Variants in CAMTA1 observed in about 807,000 individuals in gnomAD.
CAMTA1 encodes calmodulin-binding transcription activator 1.
A neutral mutation model predicts 170.9 loss-of-function variants in CAMTA1; 27 were observed. That is an observed-to-expected ratio of 0.16 (90% CI 0.12 to 0.22). CAMTA1 has a LOEUF of 0.22. CAMTA1 is among the 10% of genes least tolerant of loss of function. CAMTA1 has a pLI of 1.00. For synonymous variants in CAMTA1, 833 were observed against 891.5 expected, an observed-to-expected ratio of 0.93 and a Z score of 1.17; for missense variants, 1,619 against 2,217.2, an observed-to-expected ratio of 0.73 and a Z score of 5.42.
At chr1:7,747,920 A>C in intron 19 of CAMTA1, 139 bp downstream of exon 19, 1 of 339,034 alleles carries the variant, frequency 2.9e-6, no homozygotes, top group South Asian at 4.4e-5. Context: ...TTTTTTTTTT[A>C]TTTTTTTTTT....
chr1:6,987,306 G>T (rs1174635030), intron 3 of CAMTA1, among the ~76,000 whole-genome samples: 1 of 152,124 alleles, frequency 6.6e-6, no homozygotes, highest in Non-Finnish European at 1.5e-5. Flanking sequence ...GGGACTACAG[G>T]CATGTGCCAC....
intron 3 of CAMTA1, among the ~76,000 whole-genome samples, chr1:6,833,133 G>C (rs1206713175): frequency 6.6e-6 from 1 of 152,180 alleles, no homozygotes; most frequent in Non-Finnish European, 1.5e-5. Context: ...CTGAGGAATA[G>C]TAAGAGAAGT....
chr1:6,837,245 C>T (rs552705666), intron 3 of CAMTA1, among the ~76,000 whole-genome samples: 3 of 152,024 alleles, frequency 2.0e-5, no homozygotes, highest in Non-Finnish European at 4.4e-5. Context: ...CGTGAGCCAC[C>T]GTGCCTGGCA....
chr1:7,236,671 A>G (rs867337013), intron 4 of CAMTA1, among the ~76,000 whole-genome samples: 2 of 152,220 alleles, frequency 1.3e-5, no homozygotes, highest in Admixed American at 6.5e-5. Context: ...AAAATGGAAC[A>G]TGGGTGTAAA....
intron 3 of CAMTA1, among the ~76,000 whole-genome samples, chr1:6,871,332 TG>T (rs1283894763): frequency 1.3e-5 from 2 of 152,224 alleles, no homozygotes; most frequent in Admixed American, 6.5e-5. Flanking sequence ...TTATACTAAA[TG>T]TTCCAATAAT....
intron 6 of CAMTA1, among the ~76,000 whole-genome samples, chr1:7,605,078 G>A (rs953080608): frequency 6.6e-6 from 1 of 152,146 alleles, no homozygotes; most frequent in Non-Finnish European, 1.5e-5. Flanking sequence ...GCTGTGTGAG[G>A]TGTCAGTCTA....
At chr1:7,513,100 T>C (rs1023483551) in intron 6 of CAMTA1, among the ~76,000 whole-genome samples, 1 of 146,748 alleles carries the variant, frequency 6.8e-6, no homozygotes, top group South Asian at 2.2e-4. Flanking sequence ...AGGGACACCA[T>C]AGGGGAAAAG....
intron 6 of CAMTA1, among the ~76,000 whole-genome samples, chr1:7,581,718 C>A (rs2095262417): frequency 6.6e-6 from 1 of 152,212 alleles, no homozygotes. Context: ...GGAGCTTTTG[C>A]GGTTCTGGCA....
rs1180082930 is a variant in CAMTA1, at chr1:7,063,758, G to C, written c.235-27546G>C. ...AACAACCACACTTTTTCAGGCACTGGTTGTGCGATTAGCATCCTGCCAGGG... is the reference window on the plus strand; with the variant it reads ...AACAACCACACTTTTTCAGGCACTGCTTGTGCGATTAGCATCCTGCCAGGG... On this transcript the variant is annotated intron_variant, in intron 3 of 22. Transcript: ENST00000303635. The surrounding 1 kb of genome is among the most constrained non-coding windows in gnomAD (Gnocchi z 4.3). Among the ~76,000 whole-genome samples, 1 of 152,190 alleles carries C rather than the reference G, an allele frequency of 6.6e-6. No individual in the cohort carries two copies. The highest frequency in any genetic ancestry group is 2.4e-5 in the African/African-American group (1 of 41,446).
At chr1:7,066,313 C>T (rs980659851) in intron 3 of CAMTA1, among the ~76,000 whole-genome samples, 2 of 152,220 alleles carry the variant, frequency 1.3e-5, no homozygotes, top group African/African-American at 4.8e-5. Flanking sequence ...AGTGTCTCAT[C>T]TCAGGTGGGC....
intron 6 of CAMTA1, among the ~76,000 whole-genome samples, chr1:7,639,188 C>T (rs549881568): frequency 6.6e-6 from 1 of 151,902 alleles, no homozygotes; most frequent in African/African-American, 2.4e-5. Flanking sequence ...ACCGTGTTAG[C>T]CAGGATGGTC....
intron 1 of CAMTA1, among the ~76,000 whole-genome samples, chr1:6,805,312 A>G (rs1352561667): frequency 6.6e-6 from 1 of 152,188 alleles, no homozygotes; most frequent in African/African-American, 2.4e-5. Context: ...CTTATTAGCC[A>G]TTTGTATGTC....
chr1:6,983,025 G>A (rs954676087), intron 3 of CAMTA1, among the ~76,000 whole-genome samples: 12 of 152,136 alleles, frequency 7.9e-5, no homozygotes, highest in African/African-American at 2.9e-4. Context: ...GCTGACCCAT[G>A]TAAACTTACC....
At chr1:7,241,088 T>C (rs1012521275) in intron 4 of CAMTA1, among the ~76,000 whole-genome samples, 2 of 152,214 alleles carry the variant, frequency 1.3e-5, no homozygotes, top group Non-Finnish European at 2.9e-5. Flanking sequence ...TAAATAGGTT[T>C]AGCAAGGGTC....
At chr1:7,135,275 CTACT>C (rs1344242098) in intron 4 of CAMTA1, among the ~76,000 whole-genome samples, 1 of 152,098 alleles carries the variant, frequency 6.6e-6, no homozygotes, top group East Asian at 1.9e-4. Flanking sequence ...GTAATCCCAG[CTACT>C]TAGGAGGCTG....
chr1:7,227,335 C>T (rs908374550), intron 4 of CAMTA1, among the ~76,000 whole-genome samples: 3 of 152,008 alleles, frequency 2.0e-5, no homozygotes, highest in African/African-American at 7.2e-5. Flanking sequence ...TATTGTTTTT[C>T]GTTTTTGTGA....
chr1:7,680,161 C>T lies in CAMTA1; in HGVS notation c.2914+2428C>T. 4.6e-6 allele frequency: 1 copy of T among 218,326 alleles called. No homozygotes were observed. The allele number at this position is 218,326 out of a possible 1,614,324, so 13.5% of individuals were successfully genotyped here. A position where few individuals can be genotyped will look rare whatever the true frequency, so the allele number is the denominator to read the frequency against. Reference sequence around the variant, plus strand: ...GGGGTCCCGGGCCTCTGGCCAGCCACGGGGCCTGGCCATGAACTTTGCGTC... The same window carrying T: ...GGGGTCCCGGGCCTCTGGCCAGCCATGGGGCCTGGCCATGAACTTTGCGTC... On this transcript the variant is annotated intron_variant, in intron 11 of 22. Transcript: ENST00000303635. This position sits in a 1 kb window ranked among gnomAD's most constrained non-coding sequence, Gnocchi z 4.4.
chr1:6,994,713 A>C (rs183062399), intron 3 of CAMTA1, among the ~76,000 whole-genome samples: 5 of 151,820 alleles, frequency 3.3e-5, no homozygotes, highest in Non-Finnish European at 5.9e-5. Flanking sequence ...TATCACCCAG[A>C]CTAGAGTTCA....
chr1:7,664,391 G>C lies in CAMTA1; in HGVS notation c.1844G>C (p.Ser615Thr), dbSNP rs770959275. 5.0e-6 allele frequency: 8 copies of C among 1,613,468 alleles called. No homozygotes were observed. Among genetic ancestry groups the C allele is most frequent in the South Asian group, 1.1e-5 (1 of 91,074 alleles). The change falls in exon 9 of 23, where the codon AGC becomes ACC. Residue 615 changes from serine to threonine, a missense_variant. Ser to Thr is a moderately conservative substitution (Grantham distance 58, BLOSUM62 1). This residue lies in a region of CAMTA1 where 731 missense variants were observed against 907.6 expected (regional missense o/e 0.81). Coordinates refer to ENST00000303635, the MANE Select transcript of CAMTA1 (RefSeq NM_015215.4). The stretch of plus-strand genomic sequence containing the variant: ...CACATCCACCAGACCCCCTCCCCGA[G>C]CTTCTTCCTGCAGGACGCCAGCAAA... Reference protein sequence around the residue: ...SPHIHQTPSPSFFLQDASKPL... With the variant: ...SPHIHQTPSPTFFLQDASKPL...
Sources: gnomAD v4.1 joint callset for allele counts (sites outside exome capture counted in the v4.1 genomes callset) on GRCh38, gnomAD v4.1.1 for gene constraint, gnomAD v4.1.1 regional missense constraint, Gnocchi (gnomAD v3.1) non-coding constraint, MANE v1.5 for transcripts, NCBI Gene and HGNC (gene_info 2026-07-23, HGNC 2026-07-21) for gene names.